PTPRD: variants seen among roughly 807,000 people sequenced by gnomAD.
PTPRD encodes the protein receptor-type tyrosine-protein phosphatase delta.
Under a neutral mutation model 214.5 loss-of-function variants are expected in PTPRD, and 34 were observed. The ratio of observed to expected loss-of-function variants is 0.16; its 90% CI spans 0.12 to 0.21. The LOEUF (loss-of-function observed/expected upper bound fraction) is 0.21, where lower values mean the gene tolerates loss of function less well. Ranked by LOEUF, PTPRD falls within the 10% of genes least tolerant of loss-of-function variation. PTPRD has a pLI of 1.00. For synonymous variants in PTPRD, 1,128 were observed against 845.7 expected (o/e 1.33, Z -5.79); for missense variants, 2,545 against 2,398.7 (o/e 1.06, Z -1.27).
chr9:9,174,048 A>G lies in PTPRD; in HGVS notation c.-143+9256T>C, dbSNP rs138550070. Among the ~76,000 whole-genome samples the G allele has an allele frequency of 7.0e-3, 1,063 of 152,344 alleles. 53 individuals are homozygous for G. Among genetic ancestry groups the G allele is most frequent in the Admixed American group, 0.063 (969 of 15,286 alleles). On this transcript the variant is annotated intron_variant, in intron 10 of 45. Coordinates refer to ENST00000381196, the MANE Select transcript of PTPRD (RefSeq NM_002839.4). ...CTCCATGATAATGAGGGAGTTAAGTATCTTTAAAAAATACTATGAGAAGTA... is the reference window on the plus strand; with the variant it reads ...CTCCATGATAATGAGGGAGTTAAGTGTCTTTAAAAAATACTATGAGAAGTA...
intron 14 of PTPRD, among the ~76,000 whole-genome samples, chr9:8,614,531 T>A (rs1442661150): frequency 6.6e-6 from 1 of 152,182 alleles, no homozygotes; most frequent in African/African-American, 2.4e-5. Context: ...GATAATCACT[T>A]AAGTACTCTT....
chr9:9,087,876 C>CTAT (rs1569536508), intron 10 of PTPRD, among the ~76,000 whole-genome samples: 2 of 89,706 alleles, frequency 2.2e-5, no homozygotes, highest in Non-Finnish European at 4.6e-5. Flanking sequence ...GAGCCCTAAA[C>CTAT]TCTTTTTTTT....
rs1198455353 is a variant in PTPRD at position 8,748,538 on chromosome 9, AAAG to A, written c.-103-14595_-103-14593del. Among the ~76,000 whole-genome samples the A allele has an allele frequency of 5.0e-4, 58 of 117,122 alleles. 2 individuals carry two copies. The highest frequency in any genetic ancestry group is 2.0e-3 in the Admixed American group (21 of 10,412). 76.8% of individuals were successfully genotyped at this position (117,122 alleles called of 152,430 possible). On this transcript the variant is annotated intron_variant, in intron 11 of 45. Coordinates refer to ENST00000381196, the MANE Select transcript of PTPRD (RefSeq NM_002839.4). The stretch of plus-strand genomic sequence containing the variant: ...CTGCAACTGCAAAAAAAAAAAAAAA[AAAG>A]AAAAAGAAAAAGAAAAAGAAAATGC...
chr9:9,194,653 CA>C (rs1450794174), intron 9 of PTPRD, among the ~76,000 whole-genome samples: 1 of 152,040 alleles, frequency 6.6e-6, no homozygotes, highest in Non-Finnish European at 1.5e-5. Context: ...TGTGCAAAGG[CA>C]AATAAGAAGT....
At chr9:10,471,098 G>C (rs2099028035) in intron 2 of PTPRD, among the ~76,000 whole-genome samples, 1 of 151,964 alleles carries the variant, frequency 6.6e-6, no homozygotes, top group Non-Finnish European at 1.5e-5. Context: ...TGAACAATGA[G>C]AACACATGGA....
intron 5 of PTPRD, among the ~76,000 whole-genome samples, chr9:9,812,403 A>G (rs865924435): frequency 6.6e-6 from 1 of 152,206 alleles, no homozygotes; most frequent in Non-Finnish European, 1.5e-5. Context: ...GAAAAAAAAA[A>G]AGTTGCAGCA....
intron 8 of PTPRD, among the ~76,000 whole-genome samples, chr9:9,501,536 G>A (rs200073168): frequency 8.6e-5 from 13 of 151,728 alleles, no homozygotes; most frequent in African/African-American, 3.1e-4. Flanking sequence ...ATATATAAAT[G>A]ATCAAAATAA....
chr9:9,169,508 A>C (rs879847721), intron 10 of PTPRD, among the ~76,000 whole-genome samples: 1 of 152,140 alleles, frequency 6.6e-6, no homozygotes, highest in Non-Finnish European at 1.5e-5. Context: ...AAATTTTCCA[A>C]TTAAAAAATG....
At chr9:9,947,431 A>AT (rs2092805696) in intron 4 of PTPRD, among the ~76,000 whole-genome samples, 2 of 30,856 alleles carry the variant, frequency 6.5e-5, no homozygotes, top group African/African-American at 6.4e-4. Context: ...TATATTATAT[A>AT]TATATTATAT....
At chr9:8,448,572 C>A (rs1398178950) in intron 34 of PTPRD, among the ~76,000 whole-genome samples, 1 of 151,974 alleles carries the variant, frequency 6.6e-6, no homozygotes, top group Non-Finnish European at 1.5e-5. Flanking sequence ...GTTCCCGGTG[C>A]ATGATGAAAT....
At chr9:9,988,626 A>C (rs1222299530) in intron 4 of PTPRD, among the ~76,000 whole-genome samples, 1 of 152,154 alleles carries the variant, frequency 6.6e-6, no homozygotes, top group African/African-American at 2.4e-5. Flanking sequence ...CTAGTAAAGT[A>C]AAATAGCCCA....
intron 11 of PTPRD, among the ~76,000 whole-genome samples, chr9:8,916,066 A>T (rs1295188822): frequency 6.6e-6 from 1 of 152,176 alleles, no homozygotes; most frequent in Non-Finnish European, 1.5e-5. Flanking sequence ...CCAAGGTTTT[A>T]TATCAAAGAT....
chr9:10,281,568 T>C (rs367834301), intron 3 of PTPRD, among the ~76,000 whole-genome samples: 2 of 152,288 alleles, frequency 1.3e-5, no homozygotes, highest in South Asian at 4.1e-4. Context: ...TTTACTTTGC[T>C]ACTTAAACAA....
rs554095097 is a variant in PTPRD, at chr9:9,038,851, C to T, written c.-142-20116G>A. On this transcript the variant is annotated intron_variant, in intron 10 of 45. Coordinates refer to ENST00000381196, the MANE Select transcript of PTPRD (RefSeq NM_002839.4). ...GCATTACAGGCGTGAGCCACCCCGC[C>T]CAGCAGATAACTATTTTTTTTTAAT... 2.0e-5 allele frequency among the ~76,000 whole-genome samples: 3 copies of T among 152,240 alleles called. No individual in the cohort carries two copies. The South Asian group carries it at 6.2e-4, about 32-fold the overall frequency.
At chr9:10,168,873 G>A (rs2099178437) in intron 3 of PTPRD, among the ~76,000 whole-genome samples, 1 of 152,036 alleles carries the variant, frequency 6.6e-6, no homozygotes, top group African/African-American at 2.4e-5. Context: ...AATCTAAAAT[G>A]TTTACTTTAT....
At chr9:8,621,681 C>G (rs1471824769) in intron 14 of PTPRD, among the ~76,000 whole-genome samples, 1 of 151,638 alleles carries the variant, frequency 6.6e-6, no homozygotes, top group Non-Finnish European at 1.5e-5. Context: ...ATTAACGCAT[C>G]TTTGCAACTA....
intron 17 of PTPRD, 52 bp from the exon 18 acceptor site, chr9:8,525,087 C>T: frequency 6.8e-7 from 1 of 1,476,346 alleles, no homozygotes; most frequent in South Asian, 1.1e-5. Flanking sequence ...AAGGCTTTCT[C>T]AGTTCAGAAA....
intron 2 of PTPRD, among the ~76,000 whole-genome samples, chr9:10,364,002 T>C (rs199953791): frequency 1.4e-5 from 1 of 70,166 alleles, no homozygotes; most frequent in African/African-American, 3.6e-5. Context: ...TTTTTTTTTT[T>C]TTTTTTTTTT....
chr9:8,680,386 C>T (rs957013714), intron 12 of PTPRD, among the ~76,000 whole-genome samples: 1 of 152,136 alleles, frequency 6.6e-6, no homozygotes, highest in Non-Finnish European at 1.5e-5. Context: ...CTACCACTCC[C>T]AGGATATGTT....
Sources: gnomAD v4.1 joint callset for allele counts (sites outside exome capture counted in the v4.1 genomes callset) on GRCh38, gnomAD v4.1.1 for gene constraint, MANE v1.5 for transcripts, NCBI Gene and HGNC (gene_info 2026-07-23, HGNC 2026-07-21) for gene names.